Variants in FYB1 observed in about 807,000 individuals in gnomAD.
FYB1 encodes FYN binding protein 1.
A neutral mutation model predicts 94.1 loss-of-function variants in FYB1; 41 were observed. The observed-to-expected ratio is 0.44, with a 90% CI of 0.34 to 0.57. The LOEUF is 0.57. FYB1 is among the 20% of genes least tolerant of loss of function. The pLI is 0.02. For missense variants in FYB1, 1,050 were observed against 976.8 expected, an observed-to-expected ratio of 1.07 and a Z score of -1.00; for synonymous variants, 367 against 353.2, an observed-to-expected ratio of 1.04 and a Z score of -0.44.
At chr5:39,240,977 C>T (rs777580044) in intron 1 of FYB1, among the ~76,000 whole-genome samples, 5 of 152,152 alleles carry the variant, frequency 3.3e-5, no homozygotes, top group Admixed American at 2.6e-4. Context: ...CCATGGAATA[C>T]TATGCAGCCA....
intron 2 of FYB1, among the ~76,000 whole-genome samples, chr5:39,159,545 C>T (rs1744061046): frequency 6.6e-6 from 1 of 152,200 alleles, no homozygotes; most frequent in Admixed American, 6.5e-5. Flanking sequence ...CCCCTTCATT[C>T]CCAGACCCTA....
intron 1 of FYB1, among the ~76,000 whole-genome samples, chr5:39,240,928 A>G (rs1751176719): frequency 6.6e-6 from 1 of 152,168 alleles, no homozygotes; most frequent in African/African-American, 2.4e-5. Context: ...CCTGAACACC[A>G]TTCAGTGGTA....
chr5:39,119,954 T>C (rs376195), intron 14 of FYB1, among the ~76,000 whole-genome samples: 86,657 of 151,990 alleles, frequency 0.57, 27,492 homozygotes, highest in South Asian at 0.72. Flanking sequence ...AATCTATTCT[T>C]AAACCTCCCT....
intron 1 of FYB1, 132 bp from the exon 2 acceptor site, chr5:39,203,119 A>C (rs1449622608): frequency 9.8e-6 from 7 of 714,486 alleles, no homozygotes; most frequent in Admixed American, 3.0e-5. Context: ...ATATTGTAAC[A>C]TTTATCTTCC....
chr5:39,247,140 A>T (rs951779270), intron 1 of FYB1, among the ~76,000 whole-genome samples: 2 of 142,838 alleles, frequency 1.4e-5, no homozygotes, highest in Admixed American at 7.0e-5. Context: ...TGTCAAATGA[A>T]TAGCTTTTCT....
chr5:39,137,472 TA>T lies in FYB1; in HGVS notation c.1515+127del, dbSNP rs144950270. ...GGACAAAAAAGTACTGTTATGAAGATAATTACTCTTTAGAGAATAATGAATA... is the reference window on the plus strand; with the variant it reads ...GGACAAAAAAGTACTGTTATGAAGATATTACTCTTTAGAGAATAATGAATA... On this transcript the variant is annotated intron_variant, in intron 7 of 18. Coordinates refer to ENST00000512982, the MANE Select transcript of FYB1 (RefSeq NM_001465.6). 6,258 of 1,095,846 alleles carry T rather than the reference TA, an allele frequency of 5.7e-3. 276 individuals are homozygous for T. In the African/African-American group the frequency reaches 0.087, roughly 15 times the overall value. 67.9% of individuals were successfully genotyped at this position (1,095,846 alleles called of 1,614,324 possible). A position where few individuals can be genotyped will look rare whatever the true frequency, so the allele number is the denominator to read the frequency against.
intron 2 of FYB1, among the ~76,000 whole-genome samples, chr5:39,186,731 CTTTA>C (rs1486183021): frequency 1.6e-5 from 2 of 126,890 alleles, no homozygotes; most frequent in Non-Finnish European, 3.2e-5. Flanking sequence ...TCCATTGGGT[CTTTA>C]TTTGAGTTTT....
chr5:39,164,673 C>G (rs913352348), intron 2 of FYB1, among the ~76,000 whole-genome samples: 1 of 152,146 alleles, frequency 6.6e-6, no homozygotes, highest in African/African-American at 2.4e-5. Context: ...CTTCAGTCTC[C>G]CAAAGTGCTG....
intron 1 of FYB1, among the ~76,000 whole-genome samples, chr5:39,216,943 G>T (rs137857613): frequency 1.9e-3 from 297 of 152,340 alleles, no homozygotes; most frequent in African/African-American, 6.4e-3. Context: ...TATCTGTTTA[G>T]AGAGGCTGAT....
intron 1 of FYB1, among the ~76,000 whole-genome samples, chr5:39,255,377 G>T (rs1751893092): frequency 6.6e-6 from 1 of 150,946 alleles, no homozygotes; most frequent in South Asian, 2.1e-4. Flanking sequence ...TTCTCTAATG[G>T]TTAGCATTTT....
chr5:39,231,171 A>C lies in FYB1; in HGVS notation c.-27-28184T>G, dbSNP rs866254190. Among the ~76,000 whole-genome samples, 941 of 136,102 alleles carry C rather than the reference A, an allele frequency of 6.9e-3. 28 individuals carry two copies. The highest frequency in any genetic ancestry group is 0.029 in the African/African-American group (868 of 29,486). The allele number at this position is 136,102 out of a possible 152,430, so 89.3% of individuals were successfully genotyped here. ...GCAAAAAAAAAAAAAACAAAAAAAA[A>C]CAAAAAAAACAAAACAGCTGTAGCC... On this transcript the variant is annotated intron_variant, in intron 1 of 1. Transcript: ENST00000510188.
rs117325501 is a variant in FYB1, at chr5:39,238,649, G to C, written c.-27-35662C>G. ...GAAAAAAGAGCCCCAAGCCCTCAAA[G>C]TGTCTGCATACAATCTCTACAACAG... On this transcript the variant is annotated intron_variant, in intron 1 of 1. Transcript: ENST00000510188. Among the ~76,000 whole-genome samples, 931 of 152,136 alleles carry C rather than the reference G, an allele frequency of 6.1e-3. 23 individuals carry two copies. Among genetic ancestry groups the C allele is most frequent in the South Asian group, 0.056 (268 of 4,822 alleles).
chr5:39,213,720 T>C (rs1380613184), intron 1 of FYB1, among the ~76,000 whole-genome samples: 2 of 152,094 alleles, frequency 1.3e-5, no homozygotes, highest in East Asian at 3.8e-4. Context: ...AGGGCTTTTT[T>C]AGCCCAACCC....
chr5:39,264,259 G>C (rs1000988688), intron 1 of FYB1, among the ~76,000 whole-genome samples: 1 of 152,166 alleles, frequency 6.6e-6, no homozygotes, highest in Non-Finnish European at 1.5e-5. Flanking sequence ...TATAGGAGAA[G>C]CCAAAAGAGC....
rs76585526 is a variant in FYB1, at chr5:39,266,766, C to G, written c.-28+7637G>C. Among the ~76,000 whole-genome samples the G allele has an allele frequency of 2.8e-3, 430 of 152,250 alleles. 1 individual carries two copies. The highest frequency in any genetic ancestry group is 0.01 in the African/African-American group (421 of 41,540). On this transcript the variant is annotated intron_variant, in intron 1 of 1. Coordinates refer to the FYB1 transcript ENST00000510188. ...CAGTCTCTCATCCCAGTGGCCTCTG[C>G]AACATTTCAATAAAGTGCACTTTCT...
At chr5:39,220,172 G>A (rs983391797), upstream of FYB1, among the ~76,000 whole-genome samples, 1 of 152,114 alleles carries the variant, frequency 6.6e-6, no homozygotes, top group African/African-American at 2.4e-5. Flanking sequence ...ACTTTGGAAG[G>A]CTGAGGCAGG....
At chr5:39,186,661 T>G (rs1746839702) in intron 2 of FYB1, among the ~76,000 whole-genome samples, 1 of 145,438 alleles carries the variant, frequency 6.9e-6, no homozygotes, top group South Asian at 2.2e-4. Context: ...TTTTTTTTTT[T>G]TTTACTATTA....
At chr5:39,214,672 A>G (rs1749701062) in intron 1 of FYB1, among the ~76,000 whole-genome samples, 4 of 152,254 alleles carry the variant, frequency 2.6e-5, no homozygotes, top group Admixed American at 1.3e-4. Context: ...TCATGCCTGT[A>G]ATCCCAGCAT....
intron 2 of FYB1, among the ~76,000 whole-genome samples, chr5:39,176,383 C>G (rs1387189540): frequency 6.6e-6 from 1 of 151,878 alleles, no homozygotes; most frequent in East Asian, 1.9e-4. Context: ...CTCCTGACCC[C>G]AGGTGATTCA....
Sources: allele counts gnomAD v4.1 joint callset (sites outside exome capture counted in the v4.1 genomes callset), GRCh38; gene constraint gnomAD v4.1.1; transcripts MANE v1.5; gene names NCBI Gene and HGNC (gene_info 2026-07-23, HGNC 2026-07-21).